Variants in SIGLEC15 observed in about 807,000 individuals in gnomAD.
SIGLEC15 encodes the protein sialic acid-binding Ig-like lectin 15.
Under a neutral mutation model 26.2 loss-of-function variants are expected in SIGLEC15, and 31 were observed. The observed-to-expected ratio is 1.18, with a 90% CI of 0.89 to 1.60. The LOEUF is 1.60. Among genes scored for constraint, SIGLEC15 ranks in the 40% most tolerant of loss-of-function variants. The pLI, the probability that SIGLEC15 is intolerant of heterozygous loss-of-function variation, is 0.00. For synonymous variants in SIGLEC15, 207 were observed against 221.9 expected (o/e 0.93, Z 0.60); for missense variants, 501 against 488.4 (o/e 1.03, Z -0.24).
intron 3 of SIGLEC15, 152 bp downstream of exon 3, chr18:45,838,048 G>GTAGA: frequency 9.4e-7 from 1 of 1,063,198 alleles, no homozygotes; most frequent in Non-Finnish European, 1.3e-6. Context: ...CACACCTGGG[G>GTAGA]GTAGTTTAGG....
chr18:45,836,817 AG>A (rs2048279496), intron 1 of SIGLEC15, among the ~76,000 whole-genome samples: 1 of 152,230 alleles, frequency 6.6e-6, no homozygotes, highest in Admixed American at 6.5e-5. Flanking sequence ...GCCCCCTCGC[AG>A]GGGCTGTTTC....
chr18:45,829,222 C>A, intron 1 of SIGLEC15: 1 of 916,644 alleles, frequency 1.1e-6, no homozygotes, highest in Non-Finnish European at 1.3e-6. Context: ...CAGCCTGCGG[C>A]AGAGGCATGG....
intron 1 of SIGLEC15, among the ~76,000 whole-genome samples, chr18:45,828,222 C>G (rs1279878669): frequency 6.6e-6 from 1 of 152,216 alleles, no homozygotes; most frequent in Non-Finnish European, 1.5e-5. Flanking sequence ...GTCGTGGTCC[C>G]TTCCCTAGCC....
At chr18:45,832,394 C>T (rs556138932) in intron 1 of SIGLEC15, among the ~76,000 whole-genome samples, 4 of 125,322 alleles carry the variant, frequency 3.2e-5, no homozygotes, top group African/African-American at 6.1e-5. Context: ...GAGCCTAGGA[C>T]GTGCCAGGCA....
chr18:45,838,998 C>A lies in SIGLEC15; in HGVS notation c.777C>A (p.Ser259Arg), dbSNP rs755749128. The change falls in exon 4 of 6, where the codon AGC becomes AGA. Residue 259 changes from serine to arginine, a missense_variant. Ser to Arg is a moderately radical substitution (Grantham distance 110). Coordinates refer to ENST00000389474, the MANE Select transcript of SIGLEC15 (RefSeq NM_213602.3). ...ACCTGTTCCGCTTCCATGGCGCCAG[C>A]GGGGCCTCGACGGTCGCCCTCCTGC... ...SVYLFRFHGASGASTVALLLG... is the reference protein window; with the variant it reads ...SVYLFRFHGARGASTVALLLG... 3 of 1,596,288 alleles carry A rather than the reference C, an allele frequency of 1.9e-6. No homozygotes were observed. Among genetic ancestry groups the A allele is most frequent in the Admixed American group, 3.4e-5 (2 of 59,332 alleles).
intron 4 of SIGLEC15, 44 bp downstream of exon 4, chr18:45,839,139 G>C: frequency 7.4e-7 from 1 of 1,355,110 alleles, no homozygotes; most frequent in Non-Finnish European, 9.4e-7. Context: ...GGCCGGGCCG[G>C]GGCTCTCTGC....
intron 4 of SIGLEC15, among the ~76,000 whole-genome samples, chr18:45,839,775 C>A (rs76225049): frequency 0.044 from 6,681 of 152,232 alleles, 490 homozygotes; most frequent in African/African-American, 0.15. Context: ...GATTGCCACT[C>A]CTGCTGTCTC....
intron 1 of SIGLEC15, among the ~76,000 whole-genome samples, chr18:45,836,612 G>A (rs1258241709): frequency 6.6e-6 from 1 of 152,194 alleles, no homozygotes; most frequent in Non-Finnish European, 1.5e-5. Flanking sequence ...TGGTTCACAA[G>A]GTGGGGAATG....
At chr18:45,835,978 G>A (rs1293958561) in intron 1 of SIGLEC15, among the ~76,000 whole-genome samples, 2 of 152,186 alleles carry the variant, frequency 1.3e-5, no homozygotes, top group Admixed American at 6.5e-5. Flanking sequence ...ATGAGAAAGC[G>A]ATGTGCACAC....
At chr18:45,839,219 T>C in intron 4 of SIGLEC15, 124 bp downstream of exon 4, 1 of 1,258,544 alleles carries the variant, frequency 7.9e-7, no homozygotes, top group Non-Finnish European at 1.0e-6. Context: ...CTATGCATCG[T>C]GGCGCTTTCC....
At position 45,840,209 on chromosome 18, in the gene SIGLEC15, A is replaced by G. The variant is rs750961639; in HGVS notation, c.875-2A>G. On this transcript the variant is annotated splice_acceptor_variant, in intron 4 of 5. Coordinates refer to ENST00000389474, the MANE Select transcript of SIGLEC15 (RefSeq NM_213602.3). LOFTEE classifies it high-confidence loss of function. ...CCTGCTCTCTTGCTGTCCCTCCCAC[A>G]GAGCATCTGGACACCCCGGACACCC... 3 of 1,613,256 alleles carry G rather than the reference A, an allele frequency of 1.9e-6. No homozygotes were observed. The Admixed American group carries it at 5.0e-5, about 27-fold the overall frequency.
chr18:45,829,706 T>C (rs2048216397), intron 1 of SIGLEC15, among the ~76,000 whole-genome samples: 1 of 152,130 alleles, frequency 6.6e-6, no homozygotes, highest in African/African-American at 2.4e-5. Flanking sequence ...GGGCTCCTCA[T>C]ACTGGCCACT....
chr18:45,837,057 T>G lies in SIGLEC15; in HGVS notation c.81T>G (p.Thr27=). The stretch of plus-strand genomic sequence containing the variant: ...CATTTGTGAGAACTAAAATAGATAC[T>G]ACGGAGAACTTGCTCAACACAGAGG... ...TGSFVRTKID[T]TENLLNTEVH... The change falls in exon 2 of 6, where the codon ACT becomes ACG. Residue 27 remains threonine (T), a synonymous_variant. Coordinates refer to ENST00000389474, the MANE Select transcript of SIGLEC15 (RefSeq NM_213602.3). The G allele has an allele frequency of 6.4e-7, 1 of 1,562,636 alleles. No individual in the cohort carries two copies. Among genetic ancestry groups the G allele is most frequent in the Non-Finnish European group, 8.8e-7 (1 of 1,133,438 alleles).
rs1350857451 is a variant in SIGLEC15 at position 45,837,663 on chromosome 18, C to A, written c.263C>A (p.Ala88Glu). ...ATCTGGCGCGCGGGCGAGCCCTATG[C>A]GGGCCCGCAGGTGTTCCGCTGCGCT... is the stretch of plus-strand genomic sequence containing the variant. ...TAIWRAGEPY[A>E]GPQVFRCAAA... The change falls in exon 3 of 6, where the codon GCG becomes GAG. Residue 88 changes from alanine to glutamate, a missense_variant. Coordinates refer to ENST00000389474, the MANE Select transcript of SIGLEC15 (RefSeq NM_213602.3). 3.3e-6 allele frequency: 5 copies of A among 1,500,682 alleles called. No individual in the cohort carries two copies. The highest frequency in any genetic ancestry group is 2.1e-5 in the Admixed American group (1 of 46,968). The allele number at this position is 1,500,682 out of a possible 1,614,324, so 93.0% of individuals were successfully genotyped here. A position where few individuals can be genotyped will look rare whatever the true frequency, so the allele number is the denominator to read the frequency against.
chr18:45,831,912 G>A (rs1005151861), intron 1 of SIGLEC15, among the ~76,000 whole-genome samples: 4 of 152,106 alleles, frequency 2.6e-5, no homozygotes, highest in Non-Finnish European at 4.4e-5. Context: ...TAATTTTTGT[G>A]TTTTTAGTAG....
Position 45,842,569 on chromosome 18 carries a change from A to G in SIGLEC15, c.*382A>G. The stretch of plus-strand genomic sequence containing the variant: ...ACAGGAAACTGTTTACAGGGCCTGG[A>G]GGCCCAGTCTTGTCCTCCTCTGTCA... On this transcript the variant is annotated 3_prime_UTR_variant, in exon 6 of 6. Coordinates refer to ENST00000389474, the MANE Select transcript of SIGLEC15 (RefSeq NM_213602.3). 1 of 206,270 alleles carries G rather than the reference A, an allele frequency of 4.8e-6. No homozygotes were observed. The highest frequency in any genetic ancestry group is 9.9e-6 in the Non-Finnish European group (1 of 100,516). 12.8% of individuals were successfully genotyped at this position (206,270 alleles called of 1,614,324 possible). A position where few individuals can be genotyped will look rare whatever the true frequency, so the allele number is the denominator to read the frequency against.
chr18:45,842,269 T>C lies in SIGLEC15; in HGVS notation c.*82T>C. 1 of 1,517,150 alleles carries C rather than the reference T, an allele frequency of 6.6e-7. No homozygotes were observed. Among genetic ancestry groups the C allele is most frequent in the South Asian group, 1.1e-5 (1 of 88,746 alleles). The allele number at this position is 1,517,150 out of a possible 1,614,324, so 94.0% of individuals were successfully genotyped here. A position where few individuals can be genotyped will look rare whatever the true frequency, so the allele number is the denominator to read the frequency against. On this transcript the variant is annotated 3_prime_UTR_variant, in exon 6 of 6. Transcript: ENST00000389474. ...GAGGCTTGGCTGGCACAGCCAGTCC[T>C]GGTTCTCGGGCACCTTGGCAGCCCC... is the stretch of plus-strand genomic sequence containing the variant.
At position 45,842,266 on chromosome 18, in the gene SIGLEC15, T is replaced by G; in HGVS notation, c.*79T>G. The G allele has an allele frequency of 2.6e-6, 4 of 1,516,918 alleles. No homozygotes were observed. The highest frequency in any genetic ancestry group is 3.7e-6 in the Non-Finnish European group (4 of 1,093,680). 94.0% of individuals were successfully genotyped at this position (1,516,918 alleles called of 1,614,324 possible). A position where few individuals can be genotyped will look rare whatever the true frequency, so the allele number is the denominator to read the frequency against. ...TGCGAGGCTTGGCTGGCACAGCCAGTCCTGGTTCTCGGGCACCTTGGCAGC... is the reference window on the plus strand; with the variant it reads ...TGCGAGGCTTGGCTGGCACAGCCAGGCCTGGTTCTCGGGCACCTTGGCAGC... On this transcript the variant is annotated 3_prime_UTR_variant, in exon 6 of 6. Transcript: ENST00000389474.
At position 45,825,719 on chromosome 18, in the gene SIGLEC15, T is replaced by A; in HGVS notation, c.-10T>A. The A allele has an allele frequency of 1.2e-6, 2 of 1,614,190 alleles. No homozygotes were observed. Among genetic ancestry groups the A allele is most frequent in the South Asian group, 2.2e-5 (2 of 91,082 alleles). ...GCGGGTCTGGCCTGGGGTGTTCAGA[T>A]GCTCACAGCATGGAAAAGTCCATCT... On this transcript the variant is annotated 5_prime_UTR_variant, in exon 1 of 6. The change abolishes an upstream ATG in the 5' untranslated region. Coordinates refer to ENST00000389474, the MANE Select transcript of SIGLEC15 (RefSeq NM_213602.3).
Sources: allele counts gnomAD v4.1 joint callset (sites outside exome capture counted in the v4.1 genomes callset), GRCh38; gene constraint gnomAD v4.1.1; transcripts MANE v1.5; gene names NCBI Gene and HGNC (gene_info 2026-07-23, HGNC 2026-07-21).